Variants in SHKBP1 observed in about 807,000 individuals in gnomAD.
The protein encoded by SHKBP1 is SH3KBP1-binding protein 1.
In SHKBP1, 71 loss-of-function variants were observed where a neutral mutation model predicts 83.9. That is an observed-to-expected ratio of 0.85 (90% confidence interval 0.70 to 1.03). SHKBP1 has a LOEUF of 1.03. SHKBP1 is among the 50% of genes least tolerant of loss of function. SHKBP1 has a pLI of 0.00. For synonymous variants in SHKBP1, 371 were observed against 398.0 expected (o/e 0.93, Z 0.81); for missense variants, 824 against 982.4 (o/e 0.84, Z 2.16).
intron 1 of SHKBP1, 42 bp from the exon 2 acceptor site, chr19:40,577,189 G>C (rs757590201): frequency 1.9e-5 from 30 of 1,606,612 alleles, no homozygotes; most frequent in Non-Finnish European, 2.4e-5. Flanking sequence ...TTCCTCACCC[G>C]CTCCTCTTCA....
At chr19:40,585,538 T>TC (rs1208419401) in intron 12 of SHKBP1, 75 of 150,102 alleles carry the variant, frequency 5.0e-4, no homozygotes, top group African/African-American at 1.8e-3. Context: ...TTTCTTTCTT[T>TC]TTTTTTTTTT....
At chr19:40,583,117 T>A (rs539966394) in intron 10 of SHKBP1, among the ~76,000 whole-genome samples, 1 of 152,184 alleles carries the variant, frequency 6.6e-6, no homozygotes, top group Admixed American at 6.5e-5. Context: ...GACGCCAGCC[T>A]GGGAAACATA....
Position 40,590,867 on chromosome 19 carries a change from C to T in SHKBP1, c.1892+14C>T. The T allele has an allele frequency of 1.3e-6, 2 of 1,574,826 alleles. No individual in the cohort carries two copies. Among genetic ancestry groups the T allele is most frequent in the African/African-American group, 1.3e-5 (1 of 74,506 alleles). On this transcript the variant is annotated intron_variant, in intron 17 of 17. Transcript: ENST00000291842. The surrounding 1 kb of genome is among the most constrained non-coding windows in gnomAD (Gnocchi z 4.6). ...CTCCCTCACCAGGTAGCCACAACTC[C>T]ACTGCCCCTTCTGTGCAATGAGGGG...
At chr19:40,579,494 T>A (rs61457016) in intron 6 of SHKBP1, among the ~76,000 whole-genome samples, 3 of 151,742 alleles carry the variant, frequency 2.0e-5, no homozygotes, top group African/African-American at 4.9e-5. Context: ...AGACCTCATC[T>A]CTACTAAAAA....
intron 4 of SHKBP1, chr19:40,577,908 T>C: frequency 1.6e-6 from 1 of 621,088 alleles, no homozygotes. Context: ...TTCATGAGAA[T>C]CTTGATCATG....
At chr19:40,580,249 G>A (rs762523830) in intron 6 of SHKBP1, 75 bp from the exon 7 acceptor site, 67 of 1,517,068 alleles carry the variant, frequency 4.4e-5, no homozygotes, top group Non-Finnish European at 5.3e-5. Context: ...ATCAATCACC[G>A]TCATATTTTA....
Position 40,590,710 on chromosome 19 carries a change from C to T in SHKBP1, c.1769-20C>T, listed in dbSNP as rs1308714817. ...TATGACCCCTGTCTTGCCCCCTGACCCTGCTTCCGTGCCCCCCAGCAGGTG... is the reference window on the plus strand; with the variant it reads ...TATGACCCCTGTCTTGCCCCCTGACTCTGCTTCCGTGCCCCCCAGCAGGTG... On this transcript the variant is annotated intron_variant, in intron 16 of 17. Coordinates refer to ENST00000291842, the MANE Select transcript of SHKBP1 (RefSeq NM_138392.4). The surrounding 1 kb of genome is among the most constrained non-coding windows in gnomAD (Gnocchi z 4.6). The T allele has an allele frequency of 1.1e-5, 17 of 1,566,078 alleles. No homozygotes were observed. The highest frequency in any genetic ancestry group is 1.5e-5 in the Non-Finnish European group (17 of 1,150,914).
chr19:40,580,880 C>A lies in SHKBP1; in HGVS notation c.788C>A (p.Thr263Asn). ...CATGACAAGATGGTGGCAGCAGCCA[C>A]CGGCAGCGAGATCCTGCTATGGGCT... is the stretch of plus-strand genomic sequence containing the variant. The part of the protein sequence containing the change: ...GEHDKMVAAA[T>N]GSEILLWALQ... The change falls in exon 9 of 18, where the codon ACC (threonine) becomes AAC (asparagine). Residue 263 changes from threonine to asparagine, a missense_variant. Physicochemically the swap from Thr to Asn is moderately conservative, Grantham distance 65 (BLOSUM62 0). This residue lies in a region of SHKBP1 where 355 missense variants were observed against 386.4 expected (regional missense o/e 0.92). Transcript: ENST00000291842. The A allele has an allele frequency of 6.2e-7, 1 of 1,611,362 alleles. No individual in the cohort carries two copies. Among genetic ancestry groups the A allele is most frequent in the Non-Finnish European group, 8.5e-7 (1 of 1,178,638 alleles).
chr19:40,587,036 A>G lies in SHKBP1; in HGVS notation c.1336+92A>G, dbSNP rs972187861. On this transcript the variant is annotated intron_variant, in intron 13 of 17. Transcript: ENST00000291842. The stretch of plus-strand genomic sequence containing the variant: ...ATGAGAATTTCCACTGGGGAGGGAC[A>G]TTGTGTAGGAAGAGAGCTCTGGCGG... 5 of 1,221,994 alleles carry G rather than the reference A, an allele frequency of 4.1e-6. No individual in the cohort carries two copies. In the East Asian group the frequency reaches 9.8e-5, roughly 24 times the overall value. 75.7% of individuals were successfully genotyped at this position (1,221,994 alleles called of 1,614,324 possible). A position where few individuals can be genotyped will look rare whatever the true frequency, so the allele number is the denominator to read the frequency against.
intron 10 of SHKBP1, 33 bp downstream of exon 10, chr19:40,582,499 C>T (rs766643110): frequency 2.5e-6 from 4 of 1,589,710 alleles, no homozygotes; most frequent in East Asian, 2.2e-5. Flanking sequence ...CTGCCCCCTT[C>T]CCAGTTTTCC....
chr19:40,586,863 G>A lies in SHKBP1; in HGVS notation c.1255G>A (p.Gly419Arg). The change falls in exon 13 of 18, where the codon GGG (glycine) becomes AGG (arginine). Residue 419 changes from glycine to arginine, a missense_variant. Transcript: ENST00000291842. The stretch of plus-strand genomic sequence containing the variant: ...GCAGCACCCGGAGACTGTGGGCTCG[G>A]GGCCTCAGCTCTTCCAGACCTTCAC... Reference protein sequence around the residue: ...IVQHPETVGSGPQLFQTFTVH... With the variant: ...IVQHPETVGSRPQLFQTFTVH... The A allele has an allele frequency of 6.2e-7, 1 of 1,613,168 alleles. No individual in the cohort carries two copies. The highest frequency in any genetic ancestry group is 8.5e-7 in the Non-Finnish European group (1 of 1,179,458).
chr19:40,589,527 A>C (rs1439041598), intron 15 of SHKBP1, among the ~76,000 whole-genome samples: 2 of 21,714 alleles, frequency 9.2e-5, no homozygotes. Context: ...GGATGGGGGG[A>C]CCAGGGGGAG....
rs570420428 is a variant in SHKBP1, at chr19:40,591,372, C to T, written c.*165C>T. Reference sequence around the variant, plus strand: ...CTCTTTTCTGGAAGCCAAAGTCACCCTCCCCAATAAAGTCCTCACTGCCAA... The same window carrying T: ...CTCTTTTCTGGAAGCCAAAGTCACCTTCCCCAATAAAGTCCTCACTGCCAA... On this transcript the variant is annotated 3_prime_UTR_variant, in exon 18 of 18. Coordinates refer to ENST00000291842, the MANE Select transcript of SHKBP1 (RefSeq NM_138392.4). 10 of 573,964 alleles carry T rather than the reference C, an allele frequency of 1.7e-5. No individual in the cohort carries two copies. In the South Asian group the frequency reaches 2.7e-4, roughly 16 times the overall value. The allele number at this position is 573,964 out of a possible 1,614,324, so 35.6% of individuals were successfully genotyped here.
chr19:40,590,861 C>A lies in SHKBP1; in HGVS notation c.1892+8C>A. 2.5e-6 allele frequency: 4 copies of A among 1,576,116 alleles called. No individual in the cohort carries two copies. The highest frequency in any genetic ancestry group is 3.5e-6 in the Non-Finnish European group (4 of 1,153,164). ...CCGCATCTCCCTCACCAGGTAGCCA[C>A]AACTCCACTGCCCCTTCTGTGCAAT... On this transcript the variant is annotated splice_region_variant and intron_variant, in intron 17 of 17. Transcript: ENST00000291842. The surrounding 1 kb of genome is among the most constrained non-coding windows in gnomAD (Gnocchi z 4.6).
chr19:40,583,333 G>C, intron 10 of SHKBP1, 65 bp from the exon 11 acceptor site: 1 of 1,359,484 alleles, frequency 7.4e-7, no homozygotes, highest in Non-Finnish European at 1.0e-6. Flanking sequence ...CCTCTGTGAG[G>C]GGTCACCACG....
chr19:40,577,536 C>G (rs768122748), intron 3 of SHKBP1, 21 bp from the exon 4 acceptor site: 1 of 1,614,106 alleles, frequency 6.2e-7, no homozygotes, highest in South Asian at 1.1e-5. Context: ...CCCATCCATC[C>G]TCTGCCCCCC....
intron 9 of SHKBP1, 90 bp from the exon 10 acceptor site, chr19:40,582,261 C>T: frequency 1.0e-6 from 1 of 994,978 alleles, no homozygotes; most frequent in Non-Finnish European, 1.6e-6. Context: ...TCTGTGGTCC[C>T]ACTGAACCCT....
chr19:40,583,490 G>A lies in SHKBP1; in HGVS notation c.1048+5G>A. 1 of 1,612,720 alleles carries A rather than the reference G, an allele frequency of 6.2e-7. No individual in the cohort carries two copies. The highest frequency in any genetic ancestry group is 1.1e-5 in the South Asian group (1 of 90,954). On this transcript the variant is annotated splice_donor_5th_base_variant and intron_variant, in intron 11 of 17. Coordinates refer to ENST00000291842, the MANE Select transcript of SHKBP1 (RefSeq NM_138392.4). ...ACGGCTCCATTTACTACGTGGGTGA[G>A]CAGCAGCCTGTGTCCCGGGTGCCCG...
chr19:40,585,478 C>T (rs1215114728), intron 12 of SHKBP1: 1 of 150,896 alleles, frequency 6.6e-6, no homozygotes, highest in Non-Finnish European at 1.5e-5. Context: ...CTTCATGACA[C>T]ATTATCACCT....
Sources: gnomAD v4.1 joint callset for allele counts (sites outside exome capture counted in the v4.1 genomes callset) on GRCh38, gnomAD v4.1.1 for gene constraint, gnomAD v4.1.1 regional missense constraint, Gnocchi (gnomAD v3.1) non-coding constraint, MANE v1.5 for transcripts, NCBI Gene and HGNC (gene_info 2026-07-23, HGNC 2026-07-21) for gene names.